The following THADA variants were observed in gnomAD, a reference collection of about 807,000 sequenced individuals.
The protein encoded by THADA is tRNA (32-2'-O)-methyltransferase regulator THADA.
A neutral mutation model predicts 219.8 loss-of-function variants in THADA; 213 were observed. The ratio of observed to expected loss-of-function variants is 0.97; its 90% CI spans 0.87 to 1.09. The LOEUF (loss-of-function observed/expected upper bound fraction) is 1.09. Ranked by LOEUF, THADA falls within the 50% of genes least tolerant of loss-of-function variation. The probability of loss-of-function intolerance (pLI) is 0.00; values close to 1 mark genes in which losing one functional copy is unlikely to be tolerated. For missense variants in THADA, 2,956 were observed against 2,311.3 expected (o/e 1.28, Z -5.72); for synonymous variants, 1,018 against 828.9 (o/e 1.23, Z -3.92).
At chr2:43,575,147 T>A in intron 10 of THADA, 120 bp from the exon 11 acceptor site, 2 of 802,300 alleles carry the variant, frequency 2.5e-6, no homozygotes, top group Non-Finnish European at 3.7e-6. Context: ...TTTCAATTAT[T>A]AAATTTACAA....
At chr2:43,349,697 A>C (rs1668035969) in intron 29 of THADA, among the ~76,000 whole-genome samples, 1 of 152,218 alleles carries the variant, frequency 6.6e-6, no homozygotes. Context: ...GACAACTCTA[A>C]TAAGAAAAGA....
chr2:43,259,353 A>C (rs1165452126), intron 36 of THADA, among the ~76,000 whole-genome samples: 3 of 152,246 alleles, frequency 2.0e-5, no homozygotes, highest in African/African-American at 7.2e-5. Flanking sequence ...GAAACCTGGC[A>C]AGGTCAGGAA....
chr2:43,556,271 C>A, intron 17 of THADA, 74 bp downstream of exon 17: 1 of 1,566,774 alleles, frequency 6.4e-7, no homozygotes, highest in Non-Finnish European at 8.6e-7. Flanking sequence ...ATATGTTTAA[C>A]CATTAGATAT....
chr2:43,452,266 T>G (rs1682440208), intron 26 of THADA, among the ~76,000 whole-genome samples: 1 of 152,170 alleles, frequency 6.6e-6, no homozygotes, highest in South Asian at 2.1e-4. Flanking sequence ...AATATTAATA[T>G]GCCAACTCAT....
At chr2:43,420,243 G>A (rs562035670) in intron 28 of THADA, among the ~76,000 whole-genome samples, 33 of 152,188 alleles carry the variant, frequency 2.2e-4, no homozygotes, top group Non-Finnish European at 4.3e-4. Flanking sequence ...AGTCCTTAGT[G>A]TATATGTCAT....
At position 43,322,674 on chromosome 2, in the gene THADA, C is replaced by CTTTTTTTTTTTT. The variant is rs34557514; in HGVS notation, c.4344-2146_4344-2135dup. ...CATATCCTTCCAAGCACATTCTATT[C>CTTTTTTTTTTTT]TTTTTTTTTTTTTTTTTTTTTTTTT... On this transcript the variant is annotated intron_variant, in intron 30 of 37. Transcript: ENST00000405975. Among the ~76,000 whole-genome samples the CTTTTTTTTTTTT allele has an allele frequency of 1.5e-4, 8 of 54,826 alleles. 3 individuals are homozygous for CTTTTTTTTTTTT. The highest frequency in any genetic ancestry group is 4.8e-4 in the Admixed American group (2 of 4,182). The allele number at this position is 54,826 out of a possible 152,430, so 36.0% of individuals were successfully genotyped here. A position where few individuals can be genotyped will look rare whatever the true frequency, so the allele number is the denominator to read the frequency against.
chr2:43,402,014 A>G lies in THADA; in HGVS notation c.4059-3875T>C, dbSNP rs191064993. On this transcript the variant is annotated intron_variant, in intron 28 of 37. Transcript: ENST00000405975. ...TAATGTAAACTATGGACTCTCTCAC[A>G]AGAGGAATATATTTATGAACATATG... is the stretch of plus-strand genomic sequence containing the variant. 7.0e-4 allele frequency among the ~76,000 whole-genome samples: 107 copies of G among 152,248 alleles called. No homozygotes were observed. The East Asian group carries it at 0.016, about 23-fold the overall frequency.
intron 12 of THADA, among the ~76,000 whole-genome samples, chr2:43,572,151 T>A (rs2104011185): frequency 6.6e-6 from 1 of 152,330 alleles, no homozygotes; most frequent in Non-Finnish European, 1.5e-5. Context: ...TGACCCCTTT[T>A]ACCCCATCAC....
intron 21 of THADA, among the ~76,000 whole-genome samples, chr2:43,535,268 C>A (rs891632752): frequency 4.0e-5 from 5 of 125,502 alleles, no homozygotes; most frequent in African/African-American, 1.5e-4. Context: ...AAATTTTTTT[C>A]TCCCATTCTG....
intron 20 of THADA, among the ~76,000 whole-genome samples, chr2:43,545,260 G>A (rs993443866): frequency 1.3e-5 from 2 of 151,442 alleles, no homozygotes; most frequent in African/African-American, 4.9e-5. Flanking sequence ...TTAATGTGCT[G>A]CTGGATTCGG....
intron 7 of THADA, among the ~76,000 whole-genome samples, chr2:43,582,721 T>C (rs917151210): frequency 2.6e-5 from 4 of 151,292 alleles, no homozygotes; most frequent in African/African-American, 9.7e-5. Flanking sequence ...AAGCAAGCCA[T>C]CATGCCCAGC....
At chr2:43,520,960 G>A (rs550314951) in intron 22 of THADA, among the ~76,000 whole-genome samples, 1 of 129,472 alleles carries the variant, frequency 7.7e-6, no homozygotes, top group Non-Finnish European at 1.6e-5. Flanking sequence ...AGGGAAGAAG[G>A]AAGGGAGGAA....
chr2:43,384,371 A>AC (rs36060287), intron 29 of THADA, among the ~76,000 whole-genome samples: 46,428 of 151,930 alleles, frequency 0.31, 7,487 homozygotes, highest in Non-Finnish European at 0.36. Context: ...AGGCTAGGGT[A>AC]CACTGGTATT....
intron 36 of THADA, among the ~76,000 whole-genome samples, chr2:43,251,805 T>G (rs1669832227): frequency 6.6e-6 from 1 of 152,256 alleles, no homozygotes; most frequent in African/African-American, 2.4e-5. Context: ...CTTTTTCAGA[T>G]GTGTCCCCAT....
intron 24 of THADA, among the ~76,000 whole-genome samples, chr2:43,501,905 C>T (rs1442804909): frequency 6.6e-6 from 1 of 152,198 alleles, no homozygotes; most frequent in Non-Finnish European, 1.5e-5. Flanking sequence ...GATCACACCA[C>T]TGCACTCCAG....
intron 21 of THADA, among the ~76,000 whole-genome samples, chr2:43,535,637 G>A (rs1694473594): frequency 1.6e-5 from 2 of 124,094 alleles, no homozygotes; most frequent in Non-Finnish European, 3.2e-5. Flanking sequence ...ACCCGAGACA[G>A]CGCCACTGCA....
intron 26 of THADA, among the ~76,000 whole-genome samples, chr2:43,475,362 T>G (rs1326712339): frequency 1.4e-5 from 2 of 141,732 alleles, no homozygotes. Flanking sequence ...GAGGTTGCAG[T>G]GAGCCAAGGT....
intron 22 of THADA, among the ~76,000 whole-genome samples, chr2:43,514,980 CATTTTATATATAATATATAAT>C (rs1691175637): frequency 3.2e-5 from 1 of 31,106 alleles, no homozygotes; most frequent in Non-Finnish European, 5.7e-5. Flanking sequence ...TAATATATAA[CATTTTATATATAATATATAAT>C]ATTATATATA....
chr2:43,317,153 T>A (rs764315523), intron 31 of THADA, among the ~76,000 whole-genome samples: 2 of 152,192 alleles, frequency 1.3e-5, no homozygotes, highest in African/African-American at 4.8e-5. Flanking sequence ...ACCCAGAGGT[T>A]TGGCTTCAGT....
Sources: allele counts gnomAD v4.1 joint callset (sites outside exome capture counted in the v4.1 genomes callset), GRCh38; gene constraint gnomAD v4.1.1; transcripts MANE v1.5; gene names NCBI Gene and HGNC (gene_info 2026-07-23, HGNC 2026-07-21).